Variants in SMAD1 observed in about 807,000 individuals in gnomAD.
SMAD1 encodes the protein MAD, mothers against decapentaplegic homolog 1.
A neutral mutation model predicts 41.6 loss-of-function variants in SMAD1; 6 were observed. The ratio of observed to expected loss-of-function variants is 0.14; its 90% CI spans 0.08 to 0.28. The LOEUF (loss-of-function observed/expected upper bound fraction) is 0.28. Among genes scored for constraint, SMAD1 ranks in the 10% least tolerant of loss-of-function variants. The pLI, the probability that SMAD1 is intolerant of heterozygous loss-of-function variation, is 1.00. For synonymous variants in SMAD1, 206 were observed against 203.2 expected (o/e 1.01, Z -0.12); for missense variants, 379 against 582.6 (o/e 0.65, Z 3.60).
intron 4 of SMAD1, 21 bp from the exon 5 acceptor site, chr4:145,546,682 A>G (rs766033157): frequency 4.6e-5 from 72 of 1,580,612 alleles, no homozygotes; most frequent in Non-Finnish European, 5.5e-5. Flanking sequence ...CTTGGTTGAT[A>G]TAACATTTTC....
intron 2 of SMAD1, among the ~76,000 whole-genome samples, chr4:145,536,795 A>G (rs1731638868): frequency 6.6e-6 from 1 of 152,222 alleles, no homozygotes; most frequent in South Asian, 2.1e-4. Context: ...ACAAAAGGAA[A>G]GATAGAGACT....
At chr4:145,510,895 A>G (rs1256964418) in intron 1 of SMAD1, among the ~76,000 whole-genome samples, 1 of 152,188 alleles carries the variant, frequency 6.6e-6, no homozygotes, top group Non-Finnish European at 1.5e-5. Context: ...AAAATTTGGA[A>G]TTTAAAAACT....
intron 1 of SMAD1, among the ~76,000 whole-genome samples, chr4:145,485,380 A>G (rs565763367): frequency 2.0e-5 from 3 of 152,308 alleles, no homozygotes; most frequent in South Asian, 2.1e-4. Context: ...TCGGCTACTT[A>G]TAGCTATTTA....
chr4:145,490,486 A>G (rs1204315899), intron 1 of SMAD1, among the ~76,000 whole-genome samples: 3 of 152,160 alleles, frequency 2.0e-5, no homozygotes, highest in African/African-American at 7.2e-5. Context: ...CCTGGGGTGA[A>G]GTGTGGTGAG....
intron 2 of SMAD1, among the ~76,000 whole-genome samples, chr4:145,533,920 A>G (rs1342219631): frequency 3.3e-5 from 5 of 152,218 alleles, no homozygotes; most frequent in Non-Finnish European, 7.3e-5. Context: ...GATATATTGA[A>G]GCCCTAACCC....
At chr4:145,506,789 C>G (rs1482961494) in intron 1 of SMAD1, among the ~76,000 whole-genome samples, 1 of 152,000 alleles carries the variant, frequency 6.6e-6, no homozygotes, top group African/African-American at 2.4e-5. Flanking sequence ...TTACTTGTTG[C>G]TTTACTAGAT....
intron 2 of SMAD1, among the ~76,000 whole-genome samples, chr4:145,529,958 G>C (rs1424773117): frequency 6.6e-6 from 1 of 152,178 alleles, no homozygotes; most frequent in African/African-American, 2.4e-5. Flanking sequence ...CAAAGAGTCT[G>C]AGGGCTGAAC....
intron 1 of SMAD1, among the ~76,000 whole-genome samples, chr4:145,505,439 T>C (rs933304666): frequency 6.6e-6 from 1 of 152,110 alleles, no homozygotes; most frequent in African/African-American, 2.4e-5. Context: ...TAGTTTCATA[T>C]ATTAAAAATA....
At chr4:145,534,186 G>A (rs1731481002) in intron 2 of SMAD1, among the ~76,000 whole-genome samples, 2 of 152,184 alleles carry the variant, frequency 1.3e-5, no homozygotes, top group Non-Finnish European at 2.9e-5. Flanking sequence ...AGCCTTCACA[G>A]CAACAGTGAG....
intron 1 of SMAD1, among the ~76,000 whole-genome samples, chr4:145,488,340 A>G (rs1000384793): frequency 3.3e-5 from 5 of 152,048 alleles, no homozygotes; most frequent in African/African-American, 1.2e-4. Context: ...ATATTTTTAT[A>G]CATAAGTTTT....
chr4:145,496,869 G>C (rs781104182), intron 1 of SMAD1, among the ~76,000 whole-genome samples: 16 of 152,130 alleles, frequency 1.1e-4, no homozygotes, highest in Non-Finnish European at 2.4e-4. Context: ...AGTTTCTTGA[G>C]TTTTCAAACT....
intron 1 of SMAD1, among the ~76,000 whole-genome samples, chr4:145,486,407 T>A (rs1354405113): frequency 1.3e-5 from 2 of 152,244 alleles, no homozygotes; most frequent in African/African-American, 2.4e-5. Flanking sequence ...AAAATTAGTC[T>A]ATCTTCCCTG....
chr4:145,481,406 T>C (rs1728163662), upstream of SMAD1: 1 of 152,170 alleles, frequency 6.6e-6, no homozygotes, highest in Admixed American at 6.5e-5. Context: ...GAAAGGTAAC[T>C]GTCAACATGC....
chr4:145,502,897 A>G (rs1392397001), intron 1 of SMAD1: 1 of 152,178 alleles, frequency 6.6e-6, no homozygotes, highest in Admixed American at 6.5e-5. Flanking sequence ...GAGGGACCAA[A>G]TTGCATCTCT....
At chr4:145,500,033 A>G (rs943536089) in intron 1 of SMAD1, among the ~76,000 whole-genome samples, 1 of 152,218 alleles carries the variant, frequency 6.6e-6, no homozygotes, top group Non-Finnish European at 1.5e-5. Context: ...TTTTCTTTAT[A>G]TAAGCAGTAA....
intron 6 of SMAD1, among the ~76,000 whole-genome samples, chr4:145,556,005 GT>G (rs1002796916): frequency 2.4e-4 from 37 of 152,228 alleles, no homozygotes; most frequent in African/African-American, 8.9e-4. Flanking sequence ...TTTGCACACT[GT>G]TTTTACAAAA....
intron 1 of SMAD1, among the ~76,000 whole-genome samples, chr4:145,501,217 A>T (rs1729418882): frequency 6.6e-6 from 1 of 152,190 alleles, no homozygotes; most frequent in Non-Finnish European, 1.5e-5. Flanking sequence ...AACAAGTTTT[A>T]TTTCTCTCAC....
intron 1 of SMAD1, among the ~76,000 whole-genome samples, chr4:145,513,946 T>C (rs1730234706): frequency 6.6e-6 from 1 of 152,234 alleles, no homozygotes; most frequent in Non-Finnish European, 1.5e-5. Context: ...TGAAAAGCAT[T>C]AAATGCTATA....
At chr4:145,550,949 A>G (rs373737710) in intron 5 of SMAD1, among the ~76,000 whole-genome samples, 12 of 152,210 alleles carry the variant, frequency 7.9e-5, no homozygotes, top group African/African-American at 2.9e-4. Flanking sequence ...TAAGCATATT[A>G]ATTCCATCTA....
Sources: allele counts gnomAD v4.1 joint callset (sites outside exome capture counted in the v4.1 genomes callset), GRCh38; gene constraint gnomAD v4.1.1; transcripts MANE v1.5; gene names NCBI Gene and HGNC (gene_info 2026-07-23, HGNC 2026-07-21).